The following ROBO2 variants were observed in gnomAD, a reference collection of about 807,000 sequenced individuals.
The protein encoded by ROBO2 is roundabout guidance receptor 2.
ROBO2 carries 53 observed loss-of-function variants against 160.8 expected under a neutral mutation model. That is an observed-to-expected ratio of 0.33 (90% CI 0.26 to 0.41). The LOEUF is 0.41. Among genes scored for constraint, ROBO2 ranks in the 10% least tolerant of loss-of-function variants. The probability of loss-of-function intolerance (pLI) is 1.00; values close to 1 mark genes in which losing one functional copy is unlikely to be tolerated. For synonymous variants in ROBO2, 664 were observed against 611.7 expected (o/e 1.09, Z -1.26); for missense variants, 1,577 against 1,722.4 (o/e 0.92, Z 1.49).
chr3:76,710,247 A>C (rs2093264084), intron 2 of ROBO2, among the ~76,000 whole-genome samples: 2 of 152,054 alleles, frequency 1.3e-5, no homozygotes, highest in Admixed American at 6.5e-5. Flanking sequence ...CAGCCTCCCG[A>C]GTAGCTGGGA....
intron 2 of ROBO2, among the ~76,000 whole-genome samples, chr3:76,879,268 G>C (rs1016837405): frequency 6.6e-6 from 1 of 152,114 alleles, no homozygotes; most frequent in Non-Finnish European, 1.5e-5. Context: ...ATGTTCAGCA[G>C]TTCTCAACTT....
intron 2 of ROBO2, among the ~76,000 whole-genome samples, chr3:76,478,635 T>G (rs1358649600): frequency 5.9e-5 from 9 of 151,974 alleles, no homozygotes; most frequent in Admixed American, 5.9e-4. Context: ...ATTAAACAGT[T>G]GCATACTAAC....
chr3:76,234,135 C>G (rs1477783707), intron 2 of ROBO2, among the ~76,000 whole-genome samples: 1 of 152,168 alleles, frequency 6.6e-6, no homozygotes, highest in Non-Finnish European at 1.5e-5. Flanking sequence ...ATCTATGTTG[C>G]TGCAAAAGAC....
At chr3:77,252,944 C>G (rs1407855659) in intron 2 of ROBO2, among the ~76,000 whole-genome samples, 2 of 147,388 alleles carry the variant, frequency 1.4e-5, no homozygotes, top group African/African-American at 2.5e-5. Context: ...ATTTGTATGG[C>G]TAGCTGTACT....
chr3:76,783,412 G>T (rs1039977817), intron 2 of ROBO2, among the ~76,000 whole-genome samples: 1 of 116,294 alleles, frequency 8.6e-6, no homozygotes, highest in African/African-American at 4.1e-5. Context: ...CTTGAAAAAT[G>T]ATGAAATCTC....
intron 2 of ROBO2, among the ~76,000 whole-genome samples, chr3:76,627,600 A>G: frequency 6.6e-6 from 1 of 152,370 alleles, no homozygotes; most frequent in Non-Finnish European, 1.5e-5. Flanking sequence ...ATCCTTGTGC[A>G]TAAATAATAA....
At chr3:77,278,392 G>A (rs932481498) in intron 2 of ROBO2, among the ~76,000 whole-genome samples, 1 of 151,980 alleles carries the variant, frequency 6.6e-6, no homozygotes. Context: ...CATATTTAGG[G>A]GTTATGTCCT....
intron 2 of ROBO2, among the ~76,000 whole-genome samples, chr3:76,302,844 A>G (rs1461644537): frequency 6.6e-6 from 1 of 152,110 alleles, no homozygotes; most frequent in Non-Finnish European, 1.5e-5. Context: ...ATGACTGTAT[A>G]TATTCTGCAA....
At chr3:76,346,313 T>A (rs1576574088) in intron 2 of ROBO2, among the ~76,000 whole-genome samples, 1 of 151,946 alleles carries the variant, frequency 6.6e-6, no homozygotes, top group East Asian at 2.0e-4. Flanking sequence ...AGTGGCGTGA[T>A]CTTGGCTTAC....
intron 2 of ROBO2, among the ~76,000 whole-genome samples, chr3:77,313,388 C>T (rs2063711312): frequency 6.6e-6 from 1 of 152,018 alleles, no homozygotes; most frequent in African/African-American, 2.4e-5. Context: ...TCCGTATGGT[C>T]CTTCTAACTA....
At chr3:76,305,751 T>G (rs2071313067) in intron 2 of ROBO2, among the ~76,000 whole-genome samples, 2 of 133,530 alleles carry the variant, frequency 1.5e-5, no homozygotes, top group African/African-American at 5.6e-5. Flanking sequence ...AGAGTGGGAC[T>G]CCATATAAAA....
intron 2 of ROBO2, among the ~76,000 whole-genome samples, chr3:76,204,519 A>C (rs1398790442): frequency 6.6e-6 from 1 of 152,180 alleles, no homozygotes; most frequent in Non-Finnish European, 1.5e-5. Context: ...GAATGTTCTA[A>C]AATATATCCT....
At chr3:77,233,413 AG>A (rs1039019248) in intron 2 of ROBO2, among the ~76,000 whole-genome samples, 7 of 152,200 alleles carry the variant, frequency 4.6e-5, no homozygotes, top group Non-Finnish European at 8.8e-5. Context: ...GTGGATTACA[AG>A]AATACACTAT....
intron 2 of ROBO2, among the ~76,000 whole-genome samples, chr3:77,404,300 G>C (rs183743478): frequency 9.9e-5 from 15 of 152,170 alleles, no homozygotes; most frequent in African/African-American, 3.6e-4. Flanking sequence ...TCATCTCTTA[G>C]TTGTGTTTAT....
intron 2 of ROBO2, among the ~76,000 whole-genome samples, chr3:77,220,705 C>G (rs898494247): frequency 6.6e-6 from 1 of 152,056 alleles, no homozygotes; most frequent in Non-Finnish European, 1.5e-5. Context: ...TATAAATAAA[C>G]TTTCATGGTA....
At chr3:77,530,938 T>C (rs2091673822) in intron 6 of ROBO2, among the ~76,000 whole-genome samples, 1 of 152,054 alleles carries the variant, frequency 6.6e-6, no homozygotes, top group Admixed American at 6.6e-5. Flanking sequence ...ATTTTTCTAT[T>C]GGAAGCCTCT....
intron 2 of ROBO2, among the ~76,000 whole-genome samples, chr3:76,840,532 C>T (rs1576978652): frequency 6.6e-6 from 1 of 151,032 alleles, no homozygotes; most frequent in Non-Finnish European, 1.5e-5. Flanking sequence ...ATCGCTTGAA[C>T]CCAGAAGGTG....
rs375213622 is a variant in ROBO2 at position 77,537,013 on chromosome 3, G to C, written c.935-9325G>C. Among the ~76,000 whole-genome samples, 310 of 149,172 alleles carry C rather than the reference G, an allele frequency of 2.1e-3. 1 individual carries two copies. Among genetic ancestry groups the C allele is most frequent in the African/African-American group, 7.3e-3 (297 of 40,834 alleles). On this transcript the variant is annotated intron_variant, in intron 6 of 25. Coordinates refer to ENST00000461745, the Ensembl canonical transcript of ROBO2. ...TATTTCATTTTGATATTTACATTGT[G>C]GCATTTCAGGCAGGAGCACATTATG... is the stretch of plus-strand genomic sequence containing the variant.
intron 2 of ROBO2, among the ~76,000 whole-genome samples, chr3:76,840,335 C>T (rs1033688768): frequency 7.3e-5 from 11 of 151,652 alleles, no homozygotes; most frequent in South Asian, 2.1e-4. Context: ...AGTGGCTGGG[C>T]GCGGTAGCTC....
Sources: allele counts gnomAD v4.1 joint callset (sites outside exome capture counted in the v4.1 genomes callset), GRCh38; gene constraint gnomAD v4.1.1; transcripts MANE v1.5; gene names NCBI Gene and HGNC (gene_info 2026-07-23, HGNC 2026-07-21).